The following PTPRO variants were observed in gnomAD, a reference collection of about 807,000 sequenced individuals.
PTPRO encodes the protein protein tyrosine phosphatase receptor type O, also known as receptor-type tyrosine-protein phosphatase O.
A neutral mutation model predicts 145.2 loss-of-function variants in PTPRO; 62 were observed. That is an observed-to-expected ratio of 0.43 (90% CI 0.35 to 0.53). PTPRO has a LOEUF of 0.53. Ranked by LOEUF, PTPRO falls within the 20% of genes least tolerant of loss-of-function variation. The probability of loss-of-function intolerance (pLI) is 0.01; values close to 1 mark genes in which losing one functional copy is unlikely to be tolerated. For missense variants in PTPRO, 1,345 were observed against 1,482.7 expected, an observed-to-expected ratio of 0.91 and a Z score of 1.53; for synonymous variants, 565 against 514.7, an observed-to-expected ratio of 1.10 and a Z score of -1.32.
intron 12 of PTPRO, among the ~76,000 whole-genome samples, chr12:15,535,092 G>T (rs1943040911): frequency 6.6e-6 from 1 of 152,160 alleles, no homozygotes; most frequent in African/African-American, 2.4e-5. Context: ...ACAAATGGTG[G>T]CGCAATTCAC....
chr12:15,327,634 C>G (rs1360238556), intron 1 of PTPRO, among the ~76,000 whole-genome samples: 2 of 152,086 alleles, frequency 1.3e-5, no homozygotes, highest in South Asian at 2.1e-4. Context: ...TCTTAAATAC[C>G]CATTATATCA....
At chr12:15,361,443 A>C (rs1458055296) in intron 1 of PTPRO, among the ~76,000 whole-genome samples, 1 of 150,770 alleles carries the variant, frequency 6.6e-6, no homozygotes, top group African/African-American at 2.4e-5. Context: ...AGTCTCAAAA[A>C]AAAAAAAAAA....
intron 2 of PTPRO, among the ~76,000 whole-genome samples, chr12:15,485,950 T>C (rs570601548): frequency 3.3e-4 from 50 of 152,320 alleles, no homozygotes; most frequent in African/African-American, 1.2e-3. Context: ...ATGATTTCTT[T>C]TACTTGAAAA....
chr12:15,583,691 T>A (rs1291283904), intron 23 of PTPRO, among the ~76,000 whole-genome samples: 2 of 152,136 alleles, frequency 1.3e-5, no homozygotes, highest in African/African-American at 2.4e-5. Flanking sequence ...CTGCAAAAAC[T>A]AAAATATTTA....
chr12:15,516,385 AAG>A (rs1046685171), intron 8 of PTPRO, among the ~76,000 whole-genome samples: 28 of 149,046 alleles, frequency 1.9e-4, no homozygotes, highest in Admixed American at 3.3e-4. Flanking sequence ...GAACGAACGA[AAG>A]AGAGAGAGAG....
At chr12:15,370,562 A>G (rs771253876) in intron 1 of PTPRO, among the ~76,000 whole-genome samples, 25 of 152,196 alleles carry the variant, frequency 1.6e-4, no homozygotes, top group Non-Finnish European at 3.1e-4. Context: ...AATATCTAGG[A>G]AGGCTAAAAC....
chr12:15,515,281 G>C (rs1942553057), intron 7 of PTPRO, among the ~76,000 whole-genome samples: 1 of 152,056 alleles, frequency 6.6e-6, no homozygotes, highest in African/African-American at 2.4e-5. Context: ...AGTTCACAGG[G>C]CTTAGAACAG....
At chr12:15,339,314 TC>T (rs1404282843) in intron 1 of PTPRO, among the ~76,000 whole-genome samples, 1 of 152,126 alleles carries the variant, frequency 6.6e-6, no homozygotes, top group African/African-American at 2.4e-5. Context: ...GGGGACAGAT[TC>T]AGGTCCTGAG....
At chr12:15,397,150 C>T (rs1939363550) in intron 1 of PTPRO, among the ~76,000 whole-genome samples, 1 of 151,818 alleles carries the variant, frequency 6.6e-6, no homozygotes, top group Non-Finnish European at 1.5e-5. Flanking sequence ...AATTTATAAC[C>T]CAAAGACTAC....
chr12:15,433,336 C>T (rs757671563), intron 1 of PTPRO, among the ~76,000 whole-genome samples: 5 of 152,136 alleles, frequency 3.3e-5, no homozygotes, highest in Admixed American at 6.5e-5. Context: ...CCACCATGCT[C>T]GGCTAACTTT....
chr12:15,385,349 C>A (rs1455591550), intron 1 of PTPRO, among the ~76,000 whole-genome samples: 4 of 152,190 alleles, frequency 2.6e-5, no homozygotes, highest in African/African-American at 7.2e-5. Context: ...TTGAGGGCAA[C>A]TACGGATTCA....
intron 4 of PTPRO, 91 bp from the exon 5 acceptor site, chr12:15,501,529 A>C (rs1942220996): frequency 1.7e-6 from 2 of 1,195,484 alleles, no homozygotes; most frequent in East Asian, 4.8e-5. Flanking sequence ...ACTTTTAAAA[A>C]TCTGCTTGTG....
chr12:15,388,770 G>C (rs1055875796), intron 1 of PTPRO, among the ~76,000 whole-genome samples: 13 of 152,120 alleles, frequency 8.5e-5, no homozygotes, highest in African/African-American at 3.1e-4. Flanking sequence ...CACATCCTCC[G>C]TAAGTGTTAA....
At chr12:15,407,606 AC>A (rs1939682838) in intron 1 of PTPRO, among the ~76,000 whole-genome samples, 2 of 148,510 alleles carry the variant, frequency 1.3e-5, no homozygotes, top group Non-Finnish European at 3.0e-5. Flanking sequence ...CAGCTTATGT[AC>A]TATATAACCC....
chr12:15,541,750 G>A (rs893854146), intron 12 of PTPRO, among the ~76,000 whole-genome samples: 5 of 152,110 alleles, frequency 3.3e-5, no homozygotes, highest in Admixed American at 6.6e-5. Flanking sequence ...GGTGGCTTAC[G>A]CCTGTAATCC....
At chr12:15,325,919 A>C (rs1866432897) in intron 1 of PTPRO, among the ~76,000 whole-genome samples, 1 of 152,074 alleles carries the variant, frequency 6.6e-6, no homozygotes, top group Non-Finnish European at 1.5e-5. Context: ...CCTTCTCTCT[A>C]TTTCTTTCTA....
Position 15,578,883 on chromosome 12 carries a change from C to T in PTPRO, c.2860C>T (p.His954Tyr), listed in dbSNP as rs746874580. Reference protein sequence around the residue: ...ELKLIGLDIPHFAADLPLNRC... With the variant: ...ELKLIGLDIPYFAADLPLNRC... The stretch of plus-strand genomic sequence containing the variant: ...GAAATTGATTGGACTGGATATCCCA[C>T]ACTTTGCTGCAGATCTTCCACTGAA... Residue 954 changes from histidine to tyrosine, a missense_variant, in exon 20 of 27, where the codon CAC (histidine) becomes TAC (tyrosine). Coordinates refer to ENST00000281171, the MANE Select transcript of PTPRO (RefSeq NM_030667.3). The T allele has an allele frequency of 1.2e-6, 2 of 1,606,202 alleles. No individual in the cohort carries two copies. The highest frequency in any genetic ancestry group is 1.7e-5 in the Admixed American group (1 of 60,014).
Position 15,581,133 on chromosome 12 carries a change from GAT to G in PTPRO, c.3132+303_3132+304del, listed in dbSNP as rs1944304712. Reference sequence around the variant, plus strand: ...AAGTTTTGGGGAGCTGGCAAGCTCTGATTGGTGAATGCATGGTGGTGGGTAAA... The same window carrying G: ...AAGTTTTGGGGAGCTGGCAAGCTCTGTGGTGAATGCATGGTGGTGGGTAAA... On this transcript the variant is annotated intron_variant, in intron 22 of 26. Transcript: ENST00000281171. 2.0e-5 allele frequency among the ~76,000 whole-genome samples: 3 copies of G among 152,248 alleles called. No homozygotes were observed. In the South Asian group the frequency reaches 6.2e-4, roughly 32 times the overall value.
intron 1 of PTPRO, among the ~76,000 whole-genome samples, chr12:15,466,241 T>C (rs1332288931): frequency 6.6e-6 from 1 of 152,208 alleles, no homozygotes; most frequent in Non-Finnish European, 1.5e-5. Flanking sequence ...CTTCATAATC[T>C]AGTATTTTGA....
Sources: allele counts gnomAD v4.1 joint callset (sites outside exome capture counted in the v4.1 genomes callset), GRCh38; gene constraint gnomAD v4.1.1; transcripts MANE v1.5; gene names NCBI Gene and HGNC (gene_info 2026-07-23, HGNC 2026-07-21).